The following NAALADL2 variants were observed in gnomAD, a reference collection of about 807,000 sequenced individuals.
NAALADL2 encodes the protein N-acetylated alpha-linked acidic dipeptidase like 2.
NAALADL2 carries 76 observed loss-of-function variants against 87.2 expected under a neutral mutation model. That is an observed-to-expected ratio of 0.87 (90% CI 0.72 to 1.05). NAALADL2 has a LOEUF of 1.05. Among genes scored for constraint, NAALADL2 ranks in the 50% least tolerant of loss-of-function variants. The pLI, the probability that NAALADL2 is intolerant of heterozygous loss-of-function variation, is 0.00. For synonymous variants in NAALADL2, 354 were observed against 331.0 expected, an observed-to-expected ratio of 1.07 and a Z score of -0.75; for missense variants, 1,089 against 945.8, an observed-to-expected ratio of 1.15 and a Z score of -1.99.
intron 2 of NAALADL2, among the ~76,000 whole-genome samples, chr3:175,175,293 G>A (rs948196176): frequency 6.6e-6 from 1 of 152,108 alleles, no homozygotes; most frequent in African/African-American, 2.4e-5. Flanking sequence ...ATTAGCCATA[G>A]TTTTAAAACG....
rs557748643 is a variant in NAALADL2, at chr3:174,711,481, C to T, written c.-114-26160C>T. Among the ~76,000 whole-genome samples, 4 of 152,302 alleles carry T rather than the reference C, an allele frequency of 2.6e-5. No homozygotes were observed. In the South Asian group the frequency reaches 8.3e-4, roughly 32 times the overall value. ...TAAGTAAGTAGAATGCCTAGATTTT[C>T]TATTTCCAGGAAAGTACAAGGATTT... On this transcript the variant is annotated intron_variant, in intron 2 of 3. Transcript: ENST00000434257.
intron 5 of NAALADL2, among the ~76,000 whole-genome samples, chr3:175,331,686 C>A (rs183194908): frequency 2.4e-4 from 36 of 152,240 alleles, no homozygotes; most frequent in African/African-American, 7.9e-4. Context: ...CTTGTGAGAA[C>A]TGGAAAAAGA....
chr3:174,836,114 A>T (rs1482798540), intron 3 of NAALADL2, among the ~76,000 whole-genome samples: 1 of 152,224 alleles, frequency 6.6e-6, no homozygotes, highest in Non-Finnish European at 1.5e-5. Context: ...TGATGGATGA[A>T]TAGATAAACG....
intron 2 of NAALADL2, among the ~76,000 whole-genome samples, chr3:175,215,122 C>G (rs1449967454): frequency 1.3e-5 from 2 of 152,096 alleles, no homozygotes; most frequent in African/African-American, 4.8e-5. Flanking sequence ...AAATCAGTCA[C>G]TATTGAGGGG....
At chr3:175,687,686 C>T (rs145284721) in intron 11 of NAALADL2, among the ~76,000 whole-genome samples, 128 of 152,198 alleles carry the variant, frequency 8.4e-4, no homozygotes, top group African/African-American at 3.0e-3. Flanking sequence ...AAATGTTATT[C>T]CTAATGTTGG....
chr3:174,892,594 T>C (rs766808102), intron 1 of NAALADL2, among the ~76,000 whole-genome samples: 6 of 152,034 alleles, frequency 3.9e-5, no homozygotes, highest in Non-Finnish European at 8.8e-5. Flanking sequence ...TAAGAGAACT[T>C]CTGAAACTTA....
intron 10 of NAALADL2, among the ~76,000 whole-genome samples, chr3:175,612,354 T>C (rs1247091366): frequency 4.6e-5 from 7 of 152,322 alleles, no homozygotes; most frequent in African/African-American, 1.7e-4. Flanking sequence ...CAATGAGTAG[T>C]ACAGTAAGTG....
At chr3:174,634,228 T>C (rs752736345) in intron 2 of NAALADL2, among the ~76,000 whole-genome samples, 10 of 152,128 alleles carry the variant, frequency 6.6e-5, no homozygotes, top group Non-Finnish European at 1.5e-4. Context: ...TTCCCTCTCT[T>C]CCTTTGACTT....
intron 1 of NAALADL2, among the ~76,000 whole-genome samples, chr3:175,028,266 A>G (rs1157433376): frequency 1.6e-4 from 24 of 152,128 alleles, no homozygotes; most frequent in African/African-American, 5.3e-4. Context: ...CCTACAGCAG[A>G]AACACTTAAA....
intron 3 of NAALADL2, among the ~76,000 whole-genome samples, chr3:175,243,321 A>AACAC (rs113418317): frequency 0.08 from 11,554 of 144,458 alleles, 585 homozygotes; most frequent in East Asian, 0.19. Flanking sequence ...TTTAGAAGGA[A>AACAC]ACACACACAC....
At chr3:174,979,468 G>A (rs540547348) in intron 1 of NAALADL2, among the ~76,000 whole-genome samples, 7 of 151,578 alleles carry the variant, frequency 4.6e-5, no homozygotes, top group Non-Finnish European at 8.8e-5. Flanking sequence ...ACCACGCCCG[G>A]CTAATTTTTT....
chr3:175,359,128 G>T (rs1029779345), intron 5 of NAALADL2, among the ~76,000 whole-genome samples: 1 of 151,974 alleles, frequency 6.6e-6, no homozygotes, highest in African/African-American at 2.4e-5. Context: ...GAGACCAGCA[G>T]TTATTGCACA....
intron 1 of NAALADL2, among the ~76,000 whole-genome samples, chr3:174,961,122 T>C (rs1741929596): frequency 6.8e-6 from 1 of 148,110 alleles, no homozygotes; most frequent in Non-Finnish European, 1.5e-5. Context: ...TGATATATAA[T>C]ATTAATAAAA....
At chr3:174,905,189 G>T (rs1732821349) in intron 1 of NAALADL2, among the ~76,000 whole-genome samples, 1 of 150,504 alleles carries the variant, frequency 6.6e-6, no homozygotes, top group Non-Finnish European at 1.5e-5. Flanking sequence ...ACATTCTAAT[G>T]ATTTATTAAT....
rs202066213 is a variant in NAALADL2, at chr3:174,669,897, CTTT to C, written c.-114-67740_-114-67738del. On this transcript the variant is annotated intron_variant, in intron 2 of 3. Transcript: ENST00000434257. ...CAAATGTCCTTTCTCTTATTTGTGTCTTTTTTAATTTCTTTCAACAATGTTTTC... is the reference window on the plus strand; with the variant it reads ...CAAATGTCCTTTCTCTTATTTGTGTCTTTAATTTCTTTCAACAATGTTTTC... Among the ~76,000 whole-genome samples, 1,020 of 151,962 alleles carry C rather than the reference CTTT, an allele frequency of 6.7e-3. 11 individuals carry two copies. The highest frequency in any genetic ancestry group is 0.011 in the Admixed American group (163 of 15,236).
Position 175,698,473 on chromosome 3 carries a change from G to A in NAALADL2, c.1897-38833G>A, listed in dbSNP as rs1296851473. On this transcript the variant is annotated intron_variant, in intron 11 of 13. Coordinates refer to ENST00000454872, the MANE Select transcript of NAALADL2 (RefSeq NM_207015.3). ...TATACATATATGTGTATATATGTGT[G>A]TATATATATTTATATATATATATAT... Among the ~76,000 whole-genome samples, 18 of 82,044 alleles carry A rather than the reference G, an allele frequency of 2.2e-4. 3 individuals carry two copies. Among genetic ancestry groups the A allele is most frequent in the African/African-American group, 1.4e-3 (15 of 10,616 alleles). The allele number at this position is 82,044 out of a possible 152,430, so 53.8% of individuals were successfully genotyped here. A position where few individuals can be genotyped will look rare whatever the true frequency, so the allele number is the denominator to read the frequency against.
At chr3:175,662,052 T>C (rs536380160) in intron 11 of NAALADL2, among the ~76,000 whole-genome samples, 2 of 151,992 alleles carry the variant, frequency 1.3e-5, no homozygotes, top group South Asian at 2.1e-4. Context: ...TATTTTTTCA[T>C]TGAAGCTGTA....
At chr3:175,114,654 T>A (rs1408767613) in intron 2 of NAALADL2, among the ~76,000 whole-genome samples, 1 of 151,644 alleles carries the variant, frequency 6.6e-6, no homozygotes, top group African/African-American at 2.4e-5. Flanking sequence ...TAAAACTAAA[T>A]GGATATTCTA....
At chr3:174,864,476 T>C (rs182259523) in intron 1 of NAALADL2, among the ~76,000 whole-genome samples, 18 of 152,202 alleles carry the variant, frequency 1.2e-4, no homozygotes, top group African/African-American at 3.9e-4. Context: ...ATTTAAATAA[T>C]ATTTTATGGT....
Sources: gnomAD v4.1 joint callset for allele counts (sites outside exome capture counted in the v4.1 genomes callset) on GRCh38, gnomAD v4.1.1 for gene constraint, MANE v1.5 for transcripts, NCBI Gene and HGNC (gene_info 2026-07-23, HGNC 2026-07-21) for gene names.